The following SDK1 variants were observed in gnomAD, a reference collection of about 807,000 sequenced individuals.
SDK1 encodes protein sidekick-1.
SDK1 carries 157 observed loss-of-function variants against 245.5 expected under a neutral mutation model. That is an observed-to-expected ratio of 0.64 (90% confidence interval 0.56 to 0.73). The LOEUF is 0.73. SDK1 is among the 30% of genes least tolerant of loss of function. SDK1 has a pLI of 0.00. For synonymous variants in SDK1, 1,647 were observed against 1,278.5 expected, an observed-to-expected ratio of 1.29 and a Z score of -6.15; for missense variants, 3,583 against 3,002.3, an observed-to-expected ratio of 1.19 and a Z score of -4.52.
chr7:3,836,432 CAA>C (rs893190967), intron 5 of SDK1, among the ~76,000 whole-genome samples: 2 of 152,138 alleles, frequency 1.3e-5, no homozygotes, highest in African/African-American at 4.8e-5. Context: ...TTCATTGACT[CAA>C]GATGTATTTA....
chr7:3,598,002 A>T (rs1184083334), intron 1 of SDK1, among the ~76,000 whole-genome samples: 1 of 152,180 alleles, frequency 6.6e-6, no homozygotes, highest in African/African-American at 2.4e-5. Flanking sequence ...ATTTTATGAT[A>T]AATTGTAAAG....
At chr7:3,936,711 C>G (rs10228809) in intron 5 of SDK1, among the ~76,000 whole-genome samples, 4,822 of 152,196 alleles carry the variant, frequency 0.032, 262 homozygotes, top group African/African-American at 0.11. Context: ...GTGTATTTAA[C>G]CCCAATGGGG....
intron 2 of SDK1, among the ~76,000 whole-genome samples, chr7:3,629,190 A>G (rs1240380600): frequency 4.6e-5 from 7 of 151,424 alleles, no homozygotes; most frequent in East Asian, 1.9e-4. Flanking sequence ...AGTCCCATCT[A>G]CTCGGGAGGC....
intron 5 of SDK1, among the ~76,000 whole-genome samples, chr7:3,914,519 G>A (rs1779298119): frequency 6.6e-6 from 1 of 152,246 alleles, no homozygotes; most frequent in East Asian, 1.9e-4. Context: ...TATGTTTGCA[G>A]TTGCTGCACA....
intron 1 of SDK1, among the ~76,000 whole-genome samples, chr7:3,498,731 C>CT (rs574383263): frequency 0.3 from 42,857 of 144,072 alleles, 6,651 homozygotes; most frequent in South Asian, 0.41. Flanking sequence ...TAGGCCTCAT[C>CT]TTTTTTTTTT....
chr7:4,165,156 C>G (rs913817979), intron 32 of SDK1, among the ~76,000 whole-genome samples: 2 of 152,002 alleles, frequency 1.3e-5, no homozygotes, highest in African/African-American at 4.8e-5. Flanking sequence ...GTCAGGAGTT[C>G]AAGACCAGCC....
At chr7:3,882,207 C>A (rs902379082) in intron 5 of SDK1, among the ~76,000 whole-genome samples, 1 of 152,066 alleles carries the variant, frequency 6.6e-6, no homozygotes, top group Middle Eastern at 3.4e-3. Context: ...CCAGCCGGTC[C>A]CTCCAAAACA....
chr7:4,020,043 C>G (rs1786758669), intron 17 of SDK1, among the ~76,000 whole-genome samples: 1 of 152,040 alleles, frequency 6.6e-6, no homozygotes. Context: ...TGCTTTTCTT[C>G]CAGACCCTGA....
At chr7:3,477,564 G>C (rs960564394) in intron 1 of SDK1, among the ~76,000 whole-genome samples, 3 of 151,082 alleles carry the variant, frequency 2.0e-5, no homozygotes, top group African/African-American at 7.3e-5. Context: ...CACCAGGCTG[G>C]AGTGCAGTGG....
At chr7:3,983,923 C>G (rs147155813) in intron 13 of SDK1, among the ~76,000 whole-genome samples, 212 of 152,314 alleles carry the variant, frequency 1.4e-3, no homozygotes, top group Middle Eastern at 6.8e-3. Flanking sequence ...CTGCACATCA[C>G]GGGCACTCAG....
intron 22 of SDK1, among the ~76,000 whole-genome samples, chr7:4,091,425 C>T (rs922367751): frequency 6.7e-6 from 1 of 149,768 alleles, no homozygotes; most frequent in Non-Finnish European, 1.5e-5. Flanking sequence ...TCACTGCAAC[C>T]TCCACCTCCC....
At chr7:3,420,116 A>G (rs1779497772) in intron 1 of SDK1, among the ~76,000 whole-genome samples, 1 of 152,236 alleles carries the variant, frequency 6.6e-6, no homozygotes, top group Admixed American at 6.5e-5. Flanking sequence ...AGCATACCCC[A>G]GAGCAAAAAC....
At chr7:4,180,433 C>T in intron 35 of SDK1, among the ~76,000 whole-genome samples, 1 of 146,336 alleles carries the variant, frequency 6.8e-6, no homozygotes, top group East Asian at 2.0e-4. Context: ...GCGCCCAGCT[C>T]CAGCTCTATG....
intron 4 of SDK1, among the ~76,000 whole-genome samples, chr7:3,652,163 G>T (rs1411533413): frequency 6.6e-6 from 1 of 152,178 alleles, no homozygotes; most frequent in Non-Finnish European, 1.5e-5. Context: ...AACTCTTTGG[G>T]CATTTTTCTT....
intron 4 of SDK1, among the ~76,000 whole-genome samples, chr7:3,793,859 T>A (rs543352720): frequency 6.6e-6 from 1 of 152,160 alleles, no homozygotes; most frequent in African/African-American, 2.4e-5. Flanking sequence ...CCTTGGAAGA[T>A]GTAGGTGGAT....
chr7:3,670,700 A>G (rs756172909), intron 4 of SDK1, among the ~76,000 whole-genome samples: 18 of 152,078 alleles, frequency 1.2e-4, no homozygotes, highest in Non-Finnish European at 2.6e-4. Flanking sequence ...TATACAGGAT[A>G]CCCACCCGCT....
intron 4 of SDK1, among the ~76,000 whole-genome samples, chr7:3,794,974 A>T (rs1208933559): frequency 6.6e-6 from 1 of 151,992 alleles, no homozygotes; most frequent in African/African-American, 2.4e-5. Context: ...TGTTACTATT[A>T]CAGTATTAAG....
At chr7:3,717,037 G>A (rs537127472) in intron 4 of SDK1, among the ~76,000 whole-genome samples, 1 of 152,262 alleles carries the variant, frequency 6.6e-6, no homozygotes, top group Non-Finnish European at 1.5e-5. Context: ...AATGTATGTA[G>A]CAGAAATACT....
At chr7:3,687,062 C>CAA (rs1784306494) in intron 4 of SDK1, among the ~76,000 whole-genome samples, 1 of 101,494 alleles carries the variant, frequency 9.9e-6, no homozygotes, top group African/African-American at 5.9e-5. Context: ...TCAAAACACA[C>CAA]ACACACACAC....
Sources: allele counts gnomAD v4.1 joint callset (sites outside exome capture counted in the v4.1 genomes callset), GRCh38; gene constraint gnomAD v4.1.1; transcripts MANE v1.5; gene names NCBI Gene and HGNC (gene_info 2026-07-23, HGNC 2026-07-21).